CLASP1: variants seen among roughly 807,000 people sequenced by gnomAD.
The protein encoded by CLASP1 is cytoplasmic linker associated protein 1, also known as CLIP-associating protein 1.
CLASP1 carries 38 observed loss-of-function variants against 192.3 expected under a neutral mutation model. The ratio of observed to expected loss-of-function variants is 0.20; its 90% CI spans 0.15 to 0.26. The LOEUF (loss-of-function observed/expected upper bound fraction) is 0.26, where lower values mean the gene tolerates loss of function less well. Among genes scored for constraint, CLASP1 ranks in the 10% least tolerant of loss-of-function variants. The pLI, the probability that CLASP1 is intolerant of heterozygous loss-of-function variation, is 1.00. For missense variants in CLASP1, 1,433 were observed against 1,932.5 expected, an observed-to-expected ratio of 0.74 and a Z score of 4.85; for synonymous variants, 691 against 712.8, an observed-to-expected ratio of 0.97 and a Z score of 0.49.
intron 2 of CLASP1, among the ~76,000 whole-genome samples, chr2:121,540,072 T>C (rs2095195652): frequency 1.3e-5 from 2 of 152,260 alleles, no homozygotes; most frequent in Admixed American, 6.5e-5. Flanking sequence ...TCTGAAGATA[T>C]GCAGCAATAC....
chr2:121,451,684 G>A (rs140029664), intron 15 of CLASP1, 106 bp downstream of exon 15: 34 of 790,834 alleles, frequency 4.3e-5, no homozygotes, highest in African/African-American at 1.9e-4. Context: ...GAAAACAAAC[G>A]CATATATTCC....
intron 34 of CLASP1, among the ~76,000 whole-genome samples, chr2:121,369,802 A>C (rs1473735892): frequency 6.6e-6 from 1 of 152,216 alleles, no homozygotes; most frequent in Non-Finnish European, 1.5e-5. Flanking sequence ...ACTGTAGATA[A>C]TGCTGAAATA....
intron 1 of CLASP1, among the ~76,000 whole-genome samples, chr2:121,625,118 T>C (rs914938537): frequency 6.6e-6 from 1 of 152,224 alleles, no homozygotes; most frequent in Non-Finnish European, 1.5e-5. Flanking sequence ...TTCAGAACAA[T>C]GTGTATCCTG....
chr2:121,404,570 G>A, intron 25 of CLASP1, 136 bp from the exon 27 acceptor site: 1 of 791,616 alleles, frequency 1.3e-6, no homozygotes, highest in South Asian at 1.7e-5. Flanking sequence ...AAGCTCAAGT[G>A]ATCCTCCCAC....
intron 2 of CLASP1, among the ~76,000 whole-genome samples, chr2:121,540,390 C>A (rs1026149319): frequency 6.6e-6 from 1 of 152,160 alleles, no homozygotes; most frequent in East Asian, 1.9e-4. Context: ...ACAGTCCCAG[C>A]TACTTGGGAG....
chr2:121,578,261 C>CAAAG (rs1196013934), intron 2 of CLASP1, among the ~76,000 whole-genome samples: 2 of 151,672 alleles, frequency 1.3e-5, no homozygotes, highest in African/African-American at 4.8e-5. Context: ...AACAAAGAAA[C>CAAAG]AAAGAAACAA....
intron 37 of CLASP1, among the ~76,000 whole-genome samples, chr2:121,356,255 G>A (rs571397846): frequency 6.6e-6 from 1 of 152,270 alleles, no homozygotes; most frequent in Non-Finnish European, 1.5e-5. Flanking sequence ...AGAGTTTAGC[G>A]CCACCTTCTG....
Position 121,345,586 on chromosome 2 carries a change from G to A in CLASP1, c.4530+1452C>T, listed in dbSNP as rs553630145. On this transcript the variant is annotated intron_variant, in intron 39 of 39. Transcript: ENST00000263710. ...CTGATGGAGGTAGGAGAGCTGGGGGGACTTTTGCTCTGTATCTTTCAGATA... is the reference window on the plus strand; with the variant it reads ...CTGATGGAGGTAGGAGAGCTGGGGGAACTTTTGCTCTGTATCTTTCAGATA... Among the ~76,000 whole-genome samples, 252 of 152,306 alleles carry A rather than the reference G, an allele frequency of 1.7e-3. 8 individuals are homozygous for A. The highest frequency in any genetic ancestry group is 0.015 in the Admixed American group (230 of 15,302).
intron 2 of CLASP1, among the ~76,000 whole-genome samples, chr2:121,539,643 G>T (rs2095184087): frequency 6.6e-6 from 1 of 152,166 alleles, no homozygotes; most frequent in Non-Finnish European, 1.5e-5. Context: ...GACCAAATTA[G>T]AATTAAGAAC....
At chr2:121,620,937 T>A (rs1208627708) in intron 1 of CLASP1, among the ~76,000 whole-genome samples, 1 of 152,158 alleles carries the variant, frequency 6.6e-6, no homozygotes, top group African/African-American at 2.4e-5. Context: ...TTAGGTGTCA[T>A]ACTGAAGAAG....
intron 2 of CLASP1, among the ~76,000 whole-genome samples, chr2:121,579,080 T>C (rs1054870049): frequency 6.6e-6 from 1 of 152,228 alleles, no homozygotes; most frequent in Non-Finnish European, 1.5e-5. Flanking sequence ...AATACAGTAT[T>C]ATCCATGTCC....
intron 6 of CLASP1, among the ~76,000 whole-genome samples, chr2:121,520,205 T>A (rs2094427308): frequency 1.3e-5 from 2 of 152,156 alleles, no homozygotes; most frequent in South Asian, 4.1e-4. Flanking sequence ...TGGGGGCAAG[T>A]CAACATCCTT....
chr2:121,619,409 A>G (rs1305999575), intron 1 of CLASP1, among the ~76,000 whole-genome samples: 2 of 152,224 alleles, frequency 1.3e-5, no homozygotes, highest in Non-Finnish European at 2.9e-5. Flanking sequence ...ACCTTTCAAC[A>G]CTACAGAACA....
At chr2:121,457,944 TAAG>T (rs1374080823) in intron 13 of CLASP1, among the ~76,000 whole-genome samples, 187 bp from the exon 14 acceptor site, 12 of 152,298 alleles carry the variant, frequency 7.9e-5, no homozygotes, top group African/African-American at 2.9e-4. Flanking sequence ...TTTACAGAGT[TAAG>T]AACAGGCAAC....
intron 6 of CLASP1, among the ~76,000 whole-genome samples, chr2:121,517,925 G>A (rs1473728149): frequency 8.3e-6 from 1 of 120,124 alleles, no homozygotes; most frequent in Non-Finnish European, 1.6e-5. Flanking sequence ...GGTGGCTCGT[G>A]CCTATAATCC....
intron 9 of CLASP1, among the ~76,000 whole-genome samples, chr2:121,462,995 C>A (rs563516498): frequency 2.0e-5 from 3 of 152,090 alleles, no homozygotes; most frequent in Non-Finnish European, 4.4e-5. Context: ...TCCAGCATAA[C>A]AAATTTGTGA....
At position 121,382,791 on chromosome 2, in the gene CLASP1, TCAGAGA is replaced by T. The variant is rs1185528397; in HGVS notation, c.3375-473_3375-468del. Among the ~76,000 whole-genome samples the T allele has an allele frequency of 2.8e-4, 43 of 152,190 alleles. 1 individual carries two copies. Among genetic ancestry groups the T allele is most frequent in the Non-Finnish European group, 1.5e-4 (10 of 68,026 alleles). On this transcript the variant is annotated intron_variant, in intron 32 of 39. Transcript: ENST00000263710. ...ACCAGAGGGACTCCAGCAGGAGGACTCAGAGACCGTGCTACTCTGACCAGAGCTCTC... is the reference window on the plus strand; with the variant it reads ...ACCAGAGGGACTCCAGCAGGAGGACTCCGTGCTACTCTGACCAGAGCTCTC...
At chr2:121,398,906 A>T (rs540276309) in intron 28 of CLASP1, among the ~76,000 whole-genome samples, 10 of 152,272 alleles carry the variant, frequency 6.6e-5, no homozygotes, top group African/African-American at 2.4e-4. Context: ...AACATTTCCC[A>T]TCCAGCTACA....
intron 28 of CLASP1, among the ~76,000 whole-genome samples, chr2:121,400,180 A>G (rs1363401167): frequency 6.6e-6 from 1 of 152,128 alleles, no homozygotes; most frequent in African/African-American, 2.4e-5. Flanking sequence ...CTTTATTGCA[A>G]ATTTAGTACA....
Sources: allele counts gnomAD v4.1 joint callset (sites outside exome capture counted in the v4.1 genomes callset), GRCh38; gene constraint gnomAD v4.1.1; transcripts MANE v1.5; gene names NCBI Gene and HGNC (gene_info 2026-07-23, HGNC 2026-07-21).